The following ZDHHC14 variants were observed in gnomAD, a reference collection of about 807,000 sequenced individuals.
ZDHHC14 encodes the protein palmitoyltransferase ZDHHC14.
In ZDHHC14, 16 loss-of-function variants were observed where a neutral mutation model predicts 47.7. That is an observed-to-expected ratio of 0.34 (90% CI 0.23 to 0.51). The LOEUF (loss-of-function observed/expected upper bound fraction) is 0.51. Ranked by LOEUF, ZDHHC14 falls within the 20% of genes least tolerant of loss-of-function variation. ZDHHC14 has a pLI of 0.97. For missense variants in ZDHHC14, 515 were observed against 662.5 expected, an observed-to-expected ratio of 0.78 and a Z score of 2.44; for synonymous variants, 293 against 278.9, an observed-to-expected ratio of 1.05 and a Z score of -0.50.
At chr6:157,537,489 A>G (rs1249722769) in intron 1 of ZDHHC14, among the ~76,000 whole-genome samples, 1 of 152,178 alleles carries the variant, frequency 6.6e-6, no homozygotes, top group Non-Finnish European at 1.5e-5. Flanking sequence ...TCATTTTAGT[A>G]TCCGGTGCTA....
chr6:157,594,509 G>A (rs777514400), intron 3 of ZDHHC14, among the ~76,000 whole-genome samples: 34 of 152,178 alleles, frequency 2.2e-4, no homozygotes, highest in Admixed American at 7.2e-4. Context: ...ACTGCCTGCC[G>A]CATGGGATAG....
intron 1 of ZDHHC14, among the ~76,000 whole-genome samples, chr6:157,396,367 C>A (rs1364117216): frequency 6.6e-6 from 1 of 152,112 alleles, no homozygotes; most frequent in African/African-American, 2.4e-5. Context: ...ATCTTGAATG[C>A]TCCTATTTTG....
Position 157,657,538 on chromosome 6 carries a change from G to A in ZDHHC14, c.1068+3911G>A, listed in dbSNP as rs1428653114. On this transcript the variant is annotated intron_variant, in intron 8 of 8. Transcript: ENST00000359775. ...GAGTCTAGGCTCAGGCACATGATATGTGCACGAAATCTCAGGATCAAGGTC... is the reference window on the plus strand; with the variant it reads ...GAGTCTAGGCTCAGGCACATGATATATGCACGAAATCTCAGGATCAAGGTC... 2.0e-5 allele frequency among the ~76,000 whole-genome samples: 3 copies of A among 152,298 alleles called. No homozygotes were observed. In the East Asian group the frequency reaches 5.8e-4, roughly 29 times the overall value.
chr6:157,584,626 G>A (rs906308881), intron 2 of ZDHHC14, among the ~76,000 whole-genome samples: 4 of 152,156 alleles, frequency 2.6e-5, no homozygotes, highest in Non-Finnish European at 5.9e-5. Flanking sequence ...AAGTTAAACA[G>A]CTGATAGAAG....
intron 2 of ZDHHC14, among the ~76,000 whole-genome samples, chr6:157,549,659 C>T (rs923688147): frequency 2.0e-5 from 3 of 152,080 alleles, no homozygotes; most frequent in Admixed American, 6.6e-5. Context: ...AACAAGAAAC[C>T]CCAGCCTGGG....
chr6:157,444,701 T>G (rs1778626412), intron 1 of ZDHHC14, among the ~76,000 whole-genome samples: 1 of 151,742 alleles, frequency 6.6e-6, no homozygotes, highest in African/African-American at 2.4e-5. Context: ...GGGATATACT[T>G]TGCCCCTACA....
Position 157,549,264 on chromosome 6 carries a change from G to A in ZDHHC14, c.406+6519G>A, listed in dbSNP as rs1042460015. Among the ~76,000 whole-genome samples the A allele has an allele frequency of 2.6e-5, 4 of 152,236 alleles. No individual in the cohort carries two copies. In the East Asian group the frequency reaches 7.7e-4, roughly 29 times the overall value. On this transcript the variant is annotated intron_variant, in intron 2 of 8. Transcript: ENST00000359775. ...CGAAACAGAAAGCCGAGCCTAGTAT[G>A]CCGCGGCCGGCGGGCTTGGTTCTCA...
chr6:157,668,554 G>T (rs967202787), intron 8 of ZDHHC14, among the ~76,000 whole-genome samples: 7 of 149,730 alleles, frequency 4.7e-5, no homozygotes, highest in African/African-American at 1.7e-4. Context: ...ACAAAAATTA[G>T]CCAGGCATGG....
At chr6:157,610,422 A>G (rs184459435) in intron 3 of ZDHHC14, among the ~76,000 whole-genome samples, 1 of 151,988 alleles carries the variant, frequency 6.6e-6, no homozygotes, top group Non-Finnish European at 1.5e-5. Flanking sequence ...ACAGAGCAAG[A>G]CTCCGTCTCA....
In ZDHHC14 at chr6:157,601,060, G is replaced by A. The variant is rs543436088; in HGVS notation, c.565+7914G>A. On this transcript the variant is annotated intron_variant, in intron 3 of 8. Transcript: ENST00000359775. ...GGGAGAGGCCCTGACTGCAGATGGA[G>A]AGGCTGCCCTGGCCGCAGCGCACGG... Among the ~76,000 whole-genome samples the A allele has an allele frequency of 4.2e-4, 64 of 152,336 alleles. 1 individual carries two copies. The East Asian group carries it at 0.012, about 29-fold the overall frequency.
At chr6:157,545,967 A>G (rs1361699288) in intron 2 of ZDHHC14, among the ~76,000 whole-genome samples, 1 of 152,198 alleles carries the variant, frequency 6.6e-6, no homozygotes, top group African/African-American at 2.4e-5. Flanking sequence ...TGTGTAGTAA[A>G]TGATCGTTTT....
At chr6:157,538,878 T>A (rs1781642496) in intron 1 of ZDHHC14, among the ~76,000 whole-genome samples, 1 of 152,014 alleles carries the variant, frequency 6.6e-6, no homozygotes, top group Non-Finnish European at 1.5e-5. Flanking sequence ...TGAAAGCGGG[T>A]GCCTGCCTGA....
chr6:157,427,819 T>C lies in ZDHHC14; in HGVS notation c.245+45553T>C, dbSNP rs1232184951. Among the ~76,000 whole-genome samples the C allele has an allele frequency of 6.6e-6, 1 of 152,152 alleles. No homozygotes were observed. The highest frequency in any genetic ancestry group is 1.5e-5 in the Non-Finnish European group (1 of 68,038). ...CAGGTTTTCATCAAGATCCTTTCCA[T>C]GACATTGTGGCCCCCAAGGACAATG... On this transcript the variant is annotated intron_variant, in intron 1 of 8. Coordinates refer to ENST00000359775, the MANE Select transcript of ZDHHC14 (RefSeq NM_024630.3). The surrounding 1 kb of genome is among the most constrained non-coding windows in gnomAD (Gnocchi z 4.4).
chr6:157,663,079 G>A (rs566254121), intron 8 of ZDHHC14, among the ~76,000 whole-genome samples: 15 of 152,328 alleles, frequency 9.8e-5, no homozygotes, highest in African/African-American at 3.6e-4. Context: ...GTTGCTCATA[G>A]ATGGATAAAT....
intron 3 of ZDHHC14, among the ~76,000 whole-genome samples, chr6:157,603,377 C>T (rs997104619): frequency 3.9e-5 from 6 of 152,174 alleles, no homozygotes; most frequent in Non-Finnish European, 5.9e-5. Context: ...TAGACCAATT[C>T]CCGTAAAGGG....
intron 1 of ZDHHC14, among the ~76,000 whole-genome samples, chr6:157,478,843 A>G (rs1419767897): frequency 2.0e-5 from 3 of 152,246 alleles, no homozygotes; most frequent in Non-Finnish European, 4.4e-5. Context: ...GATTGTTTCC[A>G]TACCATTTCA....
chr6:157,577,250 C>T (rs145010057), intron 2 of ZDHHC14, among the ~76,000 whole-genome samples: 2,813 of 152,278 alleles, frequency 0.018, 90 homozygotes, highest in African/African-American at 0.065. Flanking sequence ...ACATTTTCTT[C>T]ATCCACTCTA....
At chr6:157,478,538 T>G (rs1242800251) in intron 1 of ZDHHC14, among the ~76,000 whole-genome samples, 1 of 152,202 alleles carries the variant, frequency 6.6e-6, no homozygotes, top group African/African-American at 2.4e-5. Flanking sequence ...TGACCTTCCA[T>G]GGAGTAAATG....
intron 3 of ZDHHC14, among the ~76,000 whole-genome samples, chr6:157,608,978 T>C (rs570583087): frequency 6.6e-6 from 1 of 152,198 alleles, no homozygotes; most frequent in African/African-American, 2.4e-5. Flanking sequence ...ATTCCTGGAG[T>C]TGGGGCAAAG....
Sources: allele counts gnomAD v4.1 joint callset (sites outside exome capture counted in the v4.1 genomes callset), GRCh38; gene constraint gnomAD v4.1.1; non-coding constraint Gnocchi (gnomAD v3.1); transcripts MANE v1.5; gene names NCBI Gene and HGNC (gene_info 2026-07-23, HGNC 2026-07-21).